The following CHCHD6 variants were observed in gnomAD, a reference collection of about 807,000 sequenced individuals.
CHCHD6 encodes coiled-coil-helix-coiled-coil-helix domain containing 6, also known as MICOS complex subunit MIC25.
A neutral mutation model predicts 32.3 loss-of-function variants in CHCHD6; 28 were observed. That is an observed-to-expected ratio of 0.87 (90% CI 0.64 to 1.19). CHCHD6 has a LOEUF of 1.19. Ranked by LOEUF, CHCHD6 falls within the 50% of genes most tolerant of loss-of-function variation. The pLI, the probability that CHCHD6 is intolerant of heterozygous loss-of-function variation, is 0.00. For synonymous variants in CHCHD6, 122 were observed against 117.5 expected (o/e 1.04, Z -0.25); for missense variants, 333 against 307.0 (o/e 1.08, Z -0.63).
At chr3:126,952,823 A>G (rs2078734005) in intron 6 of CHCHD6, among the ~76,000 whole-genome samples, 1 of 152,158 alleles carries the variant, frequency 6.6e-6, no homozygotes, top group South Asian at 2.1e-4. Context: ...AAGGAACCAC[A>G]TGGGGCCTCT....
Position 126,957,504 on chromosome 3 carries a change from T to C in CHCHD6, c.655T>C (p.Ser219Pro). 4 of 1,594,118 alleles carry C rather than the reference T, an allele frequency of 2.5e-6. No individual in the cohort carries two copies. Among genetic ancestry groups the C allele is most frequent in the Non-Finnish European group, 2.6e-6 (3 of 1,170,606 alleles). The change falls in exon 7 of 8, where the codon TCG becomes CCG. Residue 219 changes from serine to proline, a missense_variant. Ser to Pro is a moderately conservative substitution (Grantham distance 74). Transcript: ENST00000290913. The part of the protein sequence containing the change: ...RDRPHEVLLC[S>P]DLVKAYQRCV... ...TCGCCCGCATGAGGTGCTGCTGTGC[T>C]CGGACCTGGTCAAGGCATACCAGCG...
chr3:126,818,070 C>T (rs1576453569), intron 4 of CHCHD6, among the ~76,000 whole-genome samples: 1 of 152,250 alleles, frequency 6.6e-6, no homozygotes, highest in African/African-American at 2.4e-5. Flanking sequence ...GAGTGAGGGG[C>T]CTGTAAAGCA....
chr3:126,925,897 A>G (rs561827253), intron 6 of CHCHD6, among the ~76,000 whole-genome samples: 2 of 152,234 alleles, frequency 1.3e-5, no homozygotes, highest in African/African-American at 4.8e-5. Flanking sequence ...GTGATCTAGA[A>G]CTTAACCTCT....
chr3:126,755,033 C>T (rs537170744), intron 4 of CHCHD6, among the ~76,000 whole-genome samples: 97 of 152,170 alleles, frequency 6.4e-4, no homozygotes, highest in African/African-American at 2.1e-3. Context: ...CCAAGCTCCT[C>T]GAGTACCTGA....
chr3:126,883,668 ACT>A (rs2077641889), intron 5 of CHCHD6, among the ~76,000 whole-genome samples: 1 of 152,118 alleles, frequency 6.6e-6, no homozygotes, highest in East Asian at 1.9e-4. Context: ...TGCTGTCCTC[ACT>A]CTGGGCCCCT....
chr3:126,863,322 C>T (rs1207704537), intron 5 of CHCHD6, among the ~76,000 whole-genome samples: 1 of 91,276 alleles, frequency 1.1e-5, no homozygotes. Flanking sequence ...CCATCACCAC[C>T]TCCTCCTCCT....
intron 4 of CHCHD6, among the ~76,000 whole-genome samples, chr3:126,757,805 A>G (rs1414988639): frequency 6.6e-6 from 1 of 152,204 alleles, no homozygotes; most frequent in East Asian, 1.9e-4. Context: ...AGGGGTGCCC[A>G]GCTGCCGACA....
rs374225227 is a variant in CHCHD6, at chr3:126,779,825, A to G, written c.411+46603A>G. Reference sequence around the variant, plus strand: ...TACAGATATTAAGCACCTCTGTTGTATGTCTTATCTGCCCTATTAAGGTTA... The same window carrying G: ...TACAGATATTAAGCACCTCTGTTGTGTGTCTTATCTGCCCTATTAAGGTTA... On this transcript the variant is annotated intron_variant, in intron 4 of 7. Transcript: ENST00000290913. Among the ~76,000 whole-genome samples, 40 of 152,322 alleles carry G rather than the reference A, an allele frequency of 2.6e-4. No individual in the cohort carries two copies. The South Asian group carries it at 7.2e-3, about 28-fold the overall frequency.
chr3:126,928,934 G>C (rs1313867809), intron 6 of CHCHD6, among the ~76,000 whole-genome samples: 2 of 152,200 alleles, frequency 1.3e-5, no homozygotes, highest in African/African-American at 4.8e-5. Context: ...AACAAGTTCA[G>C]TTGCCAGTGC....
rs577652595 is a variant in CHCHD6 at position 126,741,726 on chromosome 3, A to T, written c.411+8504A>T. Among the ~76,000 whole-genome samples, 4 of 152,284 alleles carry T rather than the reference A, an allele frequency of 2.6e-5. No homozygotes were observed. The South Asian group carries it at 8.3e-4, about 32-fold the overall frequency. On this transcript the variant is annotated intron_variant, in intron 4 of 7. Coordinates refer to ENST00000290913, the MANE Select transcript of CHCHD6 (RefSeq NM_032343.3). ...TGTATTTCTAACAGCCTCCCATGTG[A>T]TTCTGGTGCAGCAAGCCCAAAGCTG...
chr3:126,844,537 A>G (rs7639651), intron 4 of CHCHD6, among the ~76,000 whole-genome samples: 2,750 of 152,312 alleles, frequency 0.018, 31 homozygotes, highest in Middle Eastern at 0.051. Flanking sequence ...CAGCTTTTTT[A>G]TACTTAGCAT....
At chr3:126,939,567 G>A (rs73209637) in intron 6 of CHCHD6, among the ~76,000 whole-genome samples, 2 of 152,200 alleles carry the variant, frequency 1.3e-5, no homozygotes, top group Admixed American at 1.3e-4. Context: ...AAGAATGCCT[G>A]TAGATGGCGT....
At chr3:126,865,498 TCAC>T in intron 5 of CHCHD6, 11 of 917,616 alleles carry the variant, frequency 1.2e-5, no homozygotes, top group African/African-American at 1.8e-5. Flanking sequence ...AACTTCGCCT[TCAC>T]CACCACCACC....
chr3:126,910,877 T>C (rs2078079614), intron 5 of CHCHD6, among the ~76,000 whole-genome samples: 1 of 151,970 alleles, frequency 6.6e-6, no homozygotes, highest in Admixed American at 6.5e-5. Context: ...ATGTGTGTGC[T>C]CACTCACACA....
At chr3:126,727,329 C>A in intron 2 of CHCHD6, 143 bp downstream of exon 2, 1 of 478,060 alleles carries the variant, frequency 2.1e-6, no homozygotes. Context: ...AAGGGCTTTC[C>A]GGAAGAGCAT....
intron 1 of CHCHD6, among the ~76,000 whole-genome samples, chr3:126,725,773 A>T (rs1483567695): frequency 6.6e-6 from 1 of 152,180 alleles, no homozygotes; most frequent in Admixed American, 6.5e-5. Context: ...CTTTTATGTT[A>T]TGGAGATGGT....
intron 4 of CHCHD6, among the ~76,000 whole-genome samples, chr3:126,794,278 A>C (rs1306805303): frequency 6.7e-6 from 1 of 148,162 alleles, no homozygotes; most frequent in Non-Finnish European, 1.5e-5. Flanking sequence ...TCATTTTTAA[A>C]AGTATAGTTT....
intron 4 of CHCHD6, among the ~76,000 whole-genome samples, chr3:126,749,916 T>C (rs956187745): frequency 2.0e-5 from 3 of 152,140 alleles, no homozygotes; most frequent in African/African-American, 7.2e-5. Flanking sequence ...GGGGGGACAA[T>C]TGGAAATCCA....
chr3:126,770,696 A>G (rs1937527922), intron 4 of CHCHD6, among the ~76,000 whole-genome samples: 1 of 152,196 alleles, frequency 6.6e-6, no homozygotes, highest in South Asian at 2.1e-4. Context: ...ATGGTGGATT[A>G]GCTTTTCTGT....
Sources: allele counts gnomAD v4.1 joint callset (sites outside exome capture counted in the v4.1 genomes callset), GRCh38; gene constraint gnomAD v4.1.1; transcripts MANE v1.5; gene names NCBI Gene and HGNC (gene_info 2026-07-23, HGNC 2026-07-21).